Variants in CNOT6 observed in about 807,000 individuals in gnomAD.
CNOT6 encodes the protein CCR4-NOT transcription complex subunit 6.
CNOT6 carries 12 observed loss-of-function variants against 61.2 expected under a neutral mutation model. That is an observed-to-expected ratio of 0.20 (90% CI 0.13 to 0.32). The LOEUF is 0.32. Ranked by LOEUF, CNOT6 falls within the 10% of genes least tolerant of loss-of-function variation. The pLI is 1.00. For missense variants in CNOT6, 405 were observed against 663.9 expected (o/e 0.61, Z 4.28); for synonymous variants, 225 against 240.6 (o/e 0.94, Z 0.60).
intron 3 of CNOT6, among the ~76,000 whole-genome samples, chr5:180,550,511 T>C (rs1759544803): frequency 1.3e-5 from 2 of 152,188 alleles, no homozygotes; most frequent in South Asian, 2.1e-4. Context: ...CATTTAATGG[T>C]ATTTGAATAA....
chr5:180,567,041 A>G (rs1760501655), intron 7 of CNOT6, 47 bp from the exon 8 acceptor site: 1 of 1,536,742 alleles, frequency 6.5e-7, no homozygotes. Flanking sequence ...TAATATGCAG[A>G]CTAATTTTTG....
At position 180,569,286 on chromosome 5, in the gene CNOT6, T is replaced by A. The variant is rs2127765961; in HGVS notation, c.1204T>A (p.Phe402Ile). The A allele has an allele frequency of 6.2e-7, 1 of 1,614,210 alleles. No homozygotes were observed. Among genetic ancestry groups the A allele is most frequent in the Non-Finnish European group, 8.5e-7 (1 of 1,180,002 alleles). Residue 402 changes from phenylalanine to isoleucine, a missense_variant, in exon 10 of 12, where the codon TTT becomes ATT. By Grantham distance (21) the Phe-to-Ile change is conservative. Coordinates refer to ENST00000261951, the MANE Select transcript of CNOT6 (RefSeq NM_001370472.1). Reference sequence around the variant, plus strand: ...CCTCAAATCCAGTGTTTTGGGAGAATTTGGAACTATTCCACTTGTGTTATG... The same window carrying A: ...CCTCAAATCCAGTGTTTTGGGAGAAATTGGAACTATTCCACTTGTGTTATG... ...RNLKSSVLGE[F>I]GTIPLVLCAD... is the part of the protein sequence containing the mutation.
chr5:180,552,607 C>T (rs1251786148), intron 3 of CNOT6, among the ~76,000 whole-genome samples: 4 of 150,532 alleles, frequency 2.7e-5, no homozygotes, highest in East Asian at 2.0e-4. Flanking sequence ...GATCGCATCA[C>T]TGCACTCCAG....
At chr5:180,512,106 T>G (rs1467511715) in intron 1 of CNOT6, among the ~76,000 whole-genome samples, 2 of 152,234 alleles carry the variant, frequency 1.3e-5, no homozygotes, top group Non-Finnish European at 2.9e-5. Context: ...TGTATTTTAG[T>G]CTACTTGTGA....
At chr5:180,569,085 T>G in intron 9 of CNOT6, 25 bp from the exon 10 acceptor site, 2 of 1,575,414 alleles carry the variant, frequency 1.3e-6, no homozygotes, top group Non-Finnish European at 1.7e-6. Context: ...TGTCTCTTTC[T>G]TTGTTTCGTT....
chr5:180,523,937 T>G (rs1262042240), intron 1 of CNOT6, among the ~76,000 whole-genome samples: 1 of 152,218 alleles, frequency 6.6e-6, no homozygotes, highest in Non-Finnish European at 1.5e-5. Context: ...TTAAGCTGTT[T>G]CATAAGCAGA....
chr5:180,552,051 T>G (rs1255691617), intron 3 of CNOT6, among the ~76,000 whole-genome samples: 1 of 151,884 alleles, frequency 6.6e-6, no homozygotes, highest in Non-Finnish European at 1.5e-5. Flanking sequence ...GTATTTGTAG[T>G]AGAGACAGGG....
chr5:180,561,771 C>A (rs1365147919), intron 4 of CNOT6, among the ~76,000 whole-genome samples: 1 of 152,200 alleles, frequency 6.6e-6, no homozygotes, highest in African/African-American at 2.4e-5. Context: ...CACGCGGCCT[C>A]CACAGGCACC....
At chr5:180,498,397 A>G (rs1756714379) in intron 1 of CNOT6, among the ~76,000 whole-genome samples, 1 of 152,216 alleles carries the variant, frequency 6.6e-6, no homozygotes, top group Admixed American at 6.5e-5. Flanking sequence ...GGAGAACACA[A>G]TAGAGAATGA....
At chr5:180,505,547 ATTTTTT>A (rs386405833) in intron 1 of CNOT6, among the ~76,000 whole-genome samples, 1 of 85,724 alleles carries the variant, frequency 1.2e-5, no homozygotes, top group African/African-American at 5.2e-5. Context: ...GTACTAGTTA[ATTTTTT>A]TTTTTTTTTT....
chr5:180,567,474 T>C (rs900409305), intron 8 of CNOT6, among the ~76,000 whole-genome samples: 1 of 152,192 alleles, frequency 6.6e-6, no homozygotes, highest in Non-Finnish European at 1.5e-5. Flanking sequence ...AGGGTTTAAC[T>C]CCCAATTGTT....
chr5:180,539,190 AAGTC>A (rs1758884226), intron 2 of CNOT6, among the ~76,000 whole-genome samples: 5 of 150,918 alleles, frequency 3.3e-5, no homozygotes, highest in Admixed American at 6.6e-5. Context: ...AAAAAAAAAA[AAGTC>A]AGCCAAGCAG....
intron 1 of CNOT6, among the ~76,000 whole-genome samples, chr5:180,527,935 C>T (rs1363344079): frequency 1.3e-5 from 2 of 152,132 alleles, no homozygotes; most frequent in South Asian, 2.1e-4. Flanking sequence ...CTAGGCTGTG[C>T]GTTCCTTATG....
At chr5:180,496,112 A>G (rs1269892020) in intron 1 of CNOT6, among the ~76,000 whole-genome samples, 1 of 152,136 alleles carries the variant, frequency 6.6e-6, no homozygotes, top group Non-Finnish European at 1.5e-5. Context: ...TCTGTTGCCC[A>G]GGCTGGTCTC....
At chr5:180,556,688 C>T (rs1759909593) in intron 4 of CNOT6, among the ~76,000 whole-genome samples, 1 of 152,246 alleles carries the variant, frequency 6.6e-6, no homozygotes, top group African/African-American at 2.4e-5. Flanking sequence ...CGCAGTGGCT[C>T]ACGCCTATAA....
At chr5:180,503,100 T>C (rs919202411) in intron 1 of CNOT6, among the ~76,000 whole-genome samples, 1 of 152,106 alleles carries the variant, frequency 6.6e-6, no homozygotes, top group African/African-American at 2.4e-5. Flanking sequence ...GGTGGTGCAG[T>C]GGGCTCTGCT....
At chr5:180,535,111 A>C (rs114188270) in intron 2 of CNOT6, among the ~76,000 whole-genome samples, 2,924 of 151,992 alleles carry the variant, frequency 0.019, 104 homozygotes, top group African/African-American at 0.066. Flanking sequence ...CTGGCGACGC[A>C]GAAGATGTGC....
intron 4 of CNOT6, among the ~76,000 whole-genome samples, chr5:180,557,483 C>G (rs1013773469): frequency 6.6e-6 from 1 of 152,172 alleles, no homozygotes; most frequent in African/African-American, 2.4e-5. Flanking sequence ...TAAAGATACC[C>G]AACATCTTTG....
At chr5:180,512,244 CA>C (rs1302148155) in intron 1 of CNOT6, among the ~76,000 whole-genome samples, 2 of 152,178 alleles carry the variant, frequency 1.3e-5, no homozygotes, top group Non-Finnish European at 2.9e-5. Context: ...TGAGCAGACC[CA>C]CTGTGGAGGC....
Sources: allele counts gnomAD v4.1 joint callset (sites outside exome capture counted in the v4.1 genomes callset), GRCh38; gene constraint gnomAD v4.1.1; transcripts MANE v1.5; gene names NCBI Gene and HGNC (gene_info 2026-07-23, HGNC 2026-07-21).